Variants in NUP133 observed in about 807,000 individuals in gnomAD.
The protein encoded by NUP133 is nuclear pore complex protein Nup133.
Under a neutral mutation model 146.2 loss-of-function variants are expected in NUP133, and 66 were observed. The ratio of observed to expected loss-of-function variants is 0.45; its 90% CI spans 0.37 to 0.55. The LOEUF is 0.55. Ranked by LOEUF, NUP133 falls within the 20% of genes least tolerant of loss-of-function variation. NUP133 has a pLI of 0.00. For missense variants in NUP133, 1,277 were observed against 1,374.8 expected (o/e 0.93, Z 1.12); for synonymous variants, 521 against 498.8 (o/e 1.04, Z -0.59).
At chr1:229,507,839 T>C in intron 1 of NUP133, 7 of 869,686 alleles carry the variant, frequency 8.0e-6, no homozygotes, top group Non-Finnish European at 9.7e-6. Context: ...TGTACTTCAC[T>C]TCTGCACAAA....
At chr1:229,473,263 C>A (rs73095906) in intron 14 of NUP133, among the ~76,000 whole-genome samples, 6,785 of 151,724 alleles carry the variant, frequency 0.045, 449 homozygotes, top group African/African-American at 0.15. Flanking sequence ...AAAAAACACA[C>A]AAAAAAAACT....
In NUP133 at chr1:229,464,863, G is replaced by A; in HGVS notation, c.2312C>T (p.Pro771Leu). Residue 771 changes from proline to leucine, a missense_variant, in exon 18 of 26, where the codon CCT (proline) becomes CTT (leucine). Pro to Leu is a moderately conservative substitution (Grantham distance 98). This residue lies in a region of NUP133 where 952 missense variants were observed against 1,047.0 expected (regional missense o/e 0.91). Transcript: ENST00000261396. ...TATTATTACCGTTCGGATGCCACCA[G>A]GACCACTTGTTGCTGTGAAATTACA... is the stretch of plus-strand genomic sequence containing the variant. ...EYVPWTATSG[P>L]GGIRTVIIRQ... 2 of 1,613,950 alleles carry A rather than the reference G, an allele frequency of 1.2e-6. No homozygotes were observed. The highest frequency in any genetic ancestry group is 1.7e-6 in the Non-Finnish European group (2 of 1,179,884).
At chr1:229,469,923 G>A (rs878868283) in intron 15 of NUP133, among the ~76,000 whole-genome samples, 1 of 152,214 alleles carries the variant, frequency 6.6e-6, no homozygotes, top group Non-Finnish European at 1.5e-5. Context: ...CTACTTGGGA[G>A]GCTGAGGCAG....
Position 229,467,786 on chromosome 1 carries a change from G to A in NUP133, c.2077-1030C>T, listed in dbSNP as rs565645116. Among the ~76,000 whole-genome samples the A allele has an allele frequency of 2.9e-4, 44 of 152,068 alleles. No homozygotes were observed. In the South Asian group the frequency reaches 8.3e-3, roughly 29 times the overall value. ...CTAAAAATACAAAAATTAGCTGGGC[G>A]TCGTGGCGTGCACCTGGAGTCCCGG... On this transcript the variant is annotated intron_variant, in intron 15 of 25. Coordinates refer to ENST00000261396, the MANE Select transcript of NUP133 (RefSeq NM_018230.3).
intron 21 of NUP133, among the ~76,000 whole-genome samples, chr1:229,453,934 T>C (rs1558090197): frequency 6.6e-6 from 1 of 152,092 alleles, no homozygotes; most frequent in Admixed American, 6.5e-5. Context: ...TTTTTTGGTA[T>C]ATCTAGGCTA....
At chr1:229,459,684 G>T (rs1405529791) in intron 20 of NUP133, among the ~76,000 whole-genome samples, 1 of 152,184 alleles carries the variant, frequency 6.6e-6, no homozygotes. Flanking sequence ...TGTTGCAAAT[G>T]AGAGAATTTC....
At position 229,470,581 on chromosome 1, in the gene NUP133, T is replaced by C. The variant is rs1339090950; in HGVS notation, c.2075A>G (p.Glu692Gly). The C allele has an allele frequency of 1.9e-6, 3 of 1,612,948 alleles. No individual in the cohort carries two copies. Among genetic ancestry groups the C allele is most frequent in the East Asian group, 2.2e-5 (1 of 44,880 alleles). Residue 692 changes from glutamate (E) to glycine (G), a missense_variant and splice_region_variant, in exon 15 of 26, where the codon GAG becomes GGG. Glu to Gly is a moderately conservative substitution (Grantham distance 98). This residue lies in a region of NUP133 where 952 missense variants were observed against 1,047.0 expected (regional missense o/e 0.91). Coordinates refer to ENST00000261396, the MANE Select transcript of NUP133 (RefSeq NM_018230.3). ...NLTPADVFFR[E>G]VSQVDTICEC... ...CACATGAAAGAGGACTCATCTTACC[T>C]CCCTGAAAAAGACATCTGCAGGAGT...
intron 12 of NUP133, among the ~76,000 whole-genome samples, chr1:229,481,501 G>A (rs1008030420): frequency 1.3e-5 from 2 of 152,110 alleles, no homozygotes; most frequent in African/African-American, 4.8e-5. Flanking sequence ...GAGTCCAGGA[G>A]TTTGAGCCCA....
At chr1:229,498,550 C>T in intron 5 of NUP133, among the ~76,000 whole-genome samples, 1 of 151,932 alleles carries the variant, frequency 6.6e-6, no homozygotes, top group East Asian at 1.9e-4. Context: ...ACCTGTAATC[C>T]AGCACTTTGG....
intron 25 of NUP133, 121 bp from the exon 26 acceptor site, chr1:229,442,161 G>T: frequency 1.1e-6 from 1 of 929,886 alleles, no homozygotes. Flanking sequence ...TTGCTGTTGG[G>T]AAATACTCTC....
chr1:229,458,736 A>C (rs1660624604), intron 20 of NUP133, among the ~76,000 whole-genome samples: 1 of 135,652 alleles, frequency 7.4e-6, no homozygotes, highest in African/African-American at 2.8e-5. Context: ...TTTTTGAGAG[A>C]GCCTCACTTT....
At chr1:229,466,835 A>C in intron 15 of NUP133, 79 bp from the exon 16 acceptor site, 1 of 1,390,194 alleles carries the variant, frequency 7.2e-7, no homozygotes, top group Non-Finnish European at 1.0e-6. Flanking sequence ...AGTTTTACTC[A>C]TTAAGCCATA....
Position 229,466,719 on chromosome 1 carries a change from T to G in NUP133, c.2114A>C (p.Glu705Ala). The G allele has an allele frequency of 6.2e-7, 1 of 1,614,020 alleles. No homozygotes were observed. The highest frequency in any genetic ancestry group is 8.5e-7 in the Non-Finnish European group (1 of 1,179,916). ...QVDTICECLL[E>A]HEEQVLRDAP... Reference sequence around the variant, plus strand: ...ATCCCTCAAGACTTGCTCCTCATGCTCCAGTAAGCACTCACAGATGGTATC... The same window carrying G: ...ATCCCTCAAGACTTGCTCCTCATGCGCCAGTAAGCACTCACAGATGGTATC... The change falls in exon 16 of 26, where the codon GAG becomes GCG. Residue 705 changes from glutamate (E) to alanine (A), a missense_variant. Glu to Ala is a moderately radical substitution (Grantham distance 107). Transcript: ENST00000261396.
In NUP133 at chr1:229,463,054, T is replaced by A. The variant is rs370308981; in HGVS notation, c.2685+489A>T. ...AATATATAAACAGAAATGAAAGTTA[T>A]ATTTTCCAAAGGTCAAAGAATCTTT... On this transcript the variant is annotated intron_variant, in intron 19 of 25. Transcript: ENST00000261396. 1.9e-4 allele frequency among the ~76,000 whole-genome samples: 29 copies of A among 152,348 alleles called. 1 individual carries two copies. In the East Asian group the frequency reaches 4.2e-3, roughly 22 times the overall value.
chr1:229,480,465 T>G (rs1661181999), intron 12 of NUP133, among the ~76,000 whole-genome samples: 2 of 152,160 alleles, frequency 1.3e-5, no homozygotes, highest in African/African-American at 4.8e-5. Context: ...GAACAAAAGA[T>G]TTAGTGTTTT....
At chr1:229,447,072 C>T (rs1033129427) in intron 24 of NUP133, among the ~76,000 whole-genome samples, 2 of 151,920 alleles carry the variant, frequency 1.3e-5, no homozygotes, top group South Asian at 2.1e-4. Flanking sequence ...TGTGGTGAGC[C>T]GAGACTGTGC....
intron 12 of NUP133, among the ~76,000 whole-genome samples, chr1:229,478,120 G>A (rs966811826): frequency 4.0e-5 from 6 of 151,836 alleles, no homozygotes; most frequent in South Asian, 2.1e-4. Flanking sequence ...CCCCACAAAC[G>A]TATACACCTA....
intron 16 of NUP133, 29 bp from the exon 17 acceptor site, chr1:229,465,548 T>TG (rs755859239): frequency 7.0e-7 from 1 of 1,419,924 alleles, no homozygotes; most frequent in Non-Finnish European, 1.0e-6. Flanking sequence ...TGTTATCACA[T>TG]GCAAAAGGTG....
chr1:229,488,865 A>G (rs1001693891), intron 9 of NUP133, among the ~76,000 whole-genome samples: 1 of 152,122 alleles, frequency 6.6e-6, no homozygotes, highest in Non-Finnish European at 1.5e-5. Context: ...ATAAACAAAC[A>G]AGGATTTAAC....
Sources: gnomAD v4.1 joint callset for allele counts (sites outside exome capture counted in the v4.1 genomes callset) on GRCh38, gnomAD v4.1.1 for gene constraint, gnomAD v4.1.1 regional missense constraint, MANE v1.5 for transcripts, NCBI Gene and HGNC (gene_info 2026-07-23, HGNC 2026-07-21) for gene names.